The following LOC128125822 variants were observed in gnomAD, a reference collection of about 807,000 sequenced individuals.
chr6:63,577,280 T>C, the LOC128125822 span, among the ~76,000 whole-genome samples: 1 of 152,170 alleles, frequency 6.6e-6, no homozygotes, highest in Non-Finnish European at 1.5e-5. Context: ...AGGTTGCCAT[T>C]TATGGATTTT....
the LOC128125822 span, chr6:63,576,887 C>G: frequency 6.2e-7 from 1 of 1,611,876 alleles, no homozygotes; most frequent in Non-Finnish European, 8.5e-7. Flanking sequence ...TAACATGGCT[C>G]GAATGAACCG....
chr6:63,577,094 A>G, the LOC128125822 span: 1 of 771,684 alleles, frequency 1.3e-6, no homozygotes, highest in Non-Finnish European at 2.1e-6. Flanking sequence ...TATACCTACA[A>G]TTCCAGTTCC....
At chr6:63,578,911 A>G in the LOC128125822 span, 1 of 1,566,388 alleles carries the variant, frequency 6.4e-7, no homozygotes, top group South Asian at 1.2e-5. Flanking sequence ...TGGCCTTTTG[A>G]TGATGGTGCA....
chr6:63,578,631 C>A, the LOC128125822 span: 1 of 1,420,778 alleles, frequency 7.0e-7, no homozygotes, highest in Admixed American at 3.0e-5. Context: ...AAATAGACCT[C>A]AAAAAGCTAA....
the LOC128125822 span, chr6:63,577,064 C>T: frequency 8.6e-7 from 1 of 1,162,076 alleles, no homozygotes. Flanking sequence ...ATAAAAACTA[C>T]TTTGGAAAAA....
At chr6:63,579,253 C>T in the LOC128125822 span, 20 of 1,603,178 alleles carry the variant, frequency 1.2e-5, no homozygotes, top group Non-Finnish European at 1.7e-5. Context: ...TCTTACCTCA[C>T]CAGAGCTCCA....
the LOC128125822 span, chr6:63,580,210 G>C: frequency 1.4e-5 from 20 of 1,464,800 alleles, no homozygotes; most frequent in Non-Finnish European, 1.9e-5. Flanking sequence ...AGTGGAACTT[G>C]AGATAGGGCC....
At chr6:63,576,451 C>T in the LOC128125822 span, 1 of 399,748 alleles carries the variant, frequency 2.5e-6, no homozygotes, top group Non-Finnish European at 4.4e-6. Flanking sequence ...CTGTGGTGTT[C>T]TTGGTCACAC....
At chr6:63,579,968 A>G in the LOC128125822 span, 1 of 923,734 alleles carries the variant, frequency 1.1e-6, no homozygotes, top group Non-Finnish European at 1.7e-6. Context: ...ATAAATTGCC[A>G]CAAGAGAGGT....
chr6:63,577,330 A>C, the LOC128125822 span, among the ~76,000 whole-genome samples: 1 of 152,174 alleles, frequency 6.6e-6, no homozygotes. Context: ...GCCATAAACC[A>C]GTTGGTTTTT....
At chr6:63,578,343 C>T in the LOC128125822 span, 76 of 1,343,802 alleles carry the variant, frequency 5.7e-5, no homozygotes, top group Non-Finnish European at 6.9e-5. Context: ...TGTTAACCAG[C>T]ATACTTACTG....
the LOC128125822 span, chr6:63,580,908 A>G: frequency 2.6e-5 from 4 of 152,578 alleles, no homozygotes; most frequent in East Asian, 5.8e-4. Context: ...CTGAGGTGCA[A>G]CTTAACAGGG....
chr6:63,580,156 C>G, the LOC128125822 span: 1 of 1,610,760 alleles, frequency 6.2e-7, no homozygotes, highest in Non-Finnish European at 8.5e-7. Context: ...GTCATAGAAA[C>G]AACTGTTGCA....
the LOC128125822 span, among the ~76,000 whole-genome samples, chr6:63,578,211 A>T: frequency 6.6e-6 from 1 of 152,236 alleles, no homozygotes; most frequent in Non-Finnish European, 1.5e-5. Flanking sequence ...TTTCCAGTTT[A>T]TTAAAAATAT....
the LOC128125822 span, among the ~76,000 whole-genome samples, chr6:63,575,920 TTA>T: frequency 6.6e-6 from 1 of 152,066 alleles, no homozygotes; most frequent in Non-Finnish European, 1.5e-5. Context: ...ATGTTTCAGT[TTA>T]TGAGTTAAGT....
the LOC128125822 span, chr6:63,580,941 G>T: frequency 6.6e-6 from 1 of 152,466 alleles, no homozygotes; most frequent in Non-Finnish European, 1.5e-5. Flanking sequence ...AAGAATGGGA[G>T]GGGGCTATTA....
chr6:63,577,060 ACTACTTTGG>A, the LOC128125822 span: 2 of 1,189,682 alleles, frequency 1.7e-6, no homozygotes, highest in Admixed American at 2.4e-5. Context: ...CAAAATAAAA[ACTACTTTGG>A]AAAAAATGAG....
the LOC128125822 span, chr6:63,579,179 T>C: frequency 6.8e-7 from 1 of 1,464,458 alleles, no homozygotes; most frequent in South Asian, 1.3e-5. Context: ...TACTTCTGAG[T>C]TGGGGAATGT....
chr6:63,578,515 G>C, the LOC128125822 span: 1 of 1,611,210 alleles, frequency 6.2e-7, no homozygotes, highest in Non-Finnish European at 8.5e-7. Flanking sequence ...GGAGAAAGAA[G>C]GTATCCATGT....
Sources: allele counts gnomAD v4.1 joint callset (sites outside exome capture counted in the v4.1 genomes callset), GRCh38; gene constraint gnomAD v4.1.1; transcripts MANE v1.5.